The following SALL4 variants were observed in gnomAD, a reference collection of about 807,000 sequenced individuals.
SALL4 encodes the protein sal-like protein 4.
SALL4 carries 4 observed loss-of-function variants against 60.8 expected under a neutral mutation model. The ratio of observed to expected loss-of-function variants is 0.07; its 90% CI spans 0.03 to 0.15. SALL4 has a LOEUF of 0.15. Among genes scored for constraint, SALL4 ranks in the 10% least tolerant of loss-of-function variants. The pLI, the probability that SALL4 is intolerant of heterozygous loss-of-function variation, is 1.00. For missense variants in SALL4, 1,178 were observed against 1,394.7 expected, an observed-to-expected ratio of 0.84 and a Z score of 2.48; for synonymous variants, 580 against 574.9, an observed-to-expected ratio of 1.01 and a Z score of -0.13.
intron 3 of SALL4, among the ~76,000 whole-genome samples, chr20:51,785,938 G>A (rs112826905): frequency 1.2e-4 from 18 of 151,328 alleles, no homozygotes; most frequent in African/African-American, 3.4e-4. Flanking sequence ...CACCACGTCC[G>A]GCCTTTTTTT....
intron 1 of SALL4, among the ~76,000 whole-genome samples, chr20:51,796,210 A>AG (rs1383157405): frequency 1.4e-4 from 21 of 148,602 alleles, no homozygotes; most frequent in South Asian, 8.4e-4. Context: ...AAAAAAAAAA[A>AG]AAAGAAAGAA....
intron 1 of SALL4, among the ~76,000 whole-genome samples, chr20:51,799,882 C>G (rs1006810258): frequency 2.6e-5 from 4 of 152,090 alleles, no homozygotes; most frequent in African/African-American, 7.2e-5. Context: ...ACTGCATTCT[C>G]GAATGGCTTT....
At position 51,783,454 on chromosome 20, in the gene SALL4, G is replaced by A. The variant is rs914267098; in HGVS notation, c.*811C>T. On this transcript the variant is annotated 3_prime_UTR_variant, in exon 4 of 4. Transcript: ENST00000217086. ...AAAAAAAACAATAAGATGGGGACAG[G>A]GTTGGGGCATATAAAACAGGTCCCT... is the stretch of plus-strand genomic sequence containing the variant. The A allele has an allele frequency of 6.6e-6, 1 of 151,956 alleles. No individual in the cohort carries two copies. The highest frequency in any genetic ancestry group is 1.5e-5 in the Non-Finnish European group (1 of 67,988). 9.4% of individuals were successfully genotyped at this position (151,956 alleles called of 1,614,324 possible). A position where few individuals can be genotyped will look rare whatever the true frequency, so the allele number is the denominator to read the frequency against.
intron 1 of SALL4, chr20:51,792,738 T>C (rs961417562): frequency 2.8e-6 from 3 of 1,072,536 alleles, no homozygotes; most frequent in Non-Finnish European, 3.4e-6. Flanking sequence ...TGAATTTCTT[T>C]TGTAACTGGG....
At chr20:51,796,172 C>T (rs2078077958) in intron 1 of SALL4, among the ~76,000 whole-genome samples, 1 of 138,568 alleles carries the variant, frequency 7.2e-6, no homozygotes, top group Non-Finnish European at 1.5e-5. Flanking sequence ...GCACTCCAGC[C>T]TGGGCAACAG....
rs1327967084 is a variant in SALL4 at position 51,801,561 on chromosome 20, T to A, written c.130+718A>T. The A allele has an allele frequency of 6.6e-6, 1 of 152,256 alleles. No homozygotes were observed. Among genetic ancestry groups the A allele is most frequent in the African/African-American group, 2.4e-5 (1 of 41,434 alleles). The allele number at this position is 152,256 out of a possible 1,614,324, so 9.4% of individuals were successfully genotyped here. A position where few individuals can be genotyped will look rare whatever the true frequency, so the allele number is the denominator to read the frequency against. On this transcript the variant is annotated intron_variant, in intron 1 of 3. Transcript: ENST00000217086. This position sits in a 1 kb window ranked among gnomAD's most constrained non-coding sequence, Gnocchi z 5.2. ...TGGCTGGAGGTCAGGCCCCGAAAGG[T>A]TAGGGCGAAGATCGGCAGGCGGCGC...
In SALL4 at chr20:51,782,829, C is replaced by T. The variant is rs933269956; in HGVS notation, c.*1436G>A. 6.6e-6 allele frequency: 1 copy of T among 150,408 alleles called. No homozygotes were observed. The highest frequency in any genetic ancestry group is 1.5e-5 in the Non-Finnish European group (1 of 67,790). 9.3% of individuals were successfully genotyped at this position (150,408 alleles called of 1,614,324 possible). ...GAACGTTCACCTCTTCCCACCAATA[C>T]ATCAACTCTTAGGCTTTAGACAGGG... is the stretch of plus-strand genomic sequence containing the variant. On this transcript the variant is annotated 3_prime_UTR_variant, in exon 4 of 4. Transcript: ENST00000217086.
rs1471138829 is a variant in SALL4 at position 51,789,977 on chromosome 20, C to T, written c.2461+45G>A. The T allele has an allele frequency of 3.1e-6, 5 of 1,613,014 alleles. No individual in the cohort carries two copies. The African/African-American group carries it at 4.0e-5, about 13-fold the overall frequency. ...TTCAACCCAGGCTCCTTTTTGATGA[C>T]CTTGAGCCCAAAATGGACATAAGTT... On this transcript the variant is annotated intron_variant, in intron 2 of 3. Transcript: ENST00000217086.
rs1443472892 is a variant in SALL4 at position 51,802,379 on chromosome 20, C to T, written c.30G>A (p.Gln10=). Residue 10 remains glutamine (Q), a synonymous_variant, in exon 1 of 4, where the codon CAG becomes CAA. Coordinates refer to ENST00000217086, the MANE Select transcript of SALL4 (RefSeq NM_020436.5). Reference sequence around the variant, plus strand: ...CCTGGTCCTCCTCCGAGTTGATGTGCTGGGGTTTCGCCTGCTTGCGCCTCG... The same window carrying T: ...CCTGGTCCTCCTCCGAGTTGATGTGTTGGGGTTTCGCCTGCTTGCGCCTCG... The part of the protein sequence containing the change: MSRRKQAKP[Q]HINSEEDQGE... The T allele has an allele frequency of 6.2e-7, 1 of 1,611,836 alleles. No individual in the cohort carries two copies. Among genetic ancestry groups the T allele is most frequent in the Non-Finnish European group, 8.5e-7 (1 of 1,179,894 alleles).
chr20:51,792,897 G>A (rs903073667), intron 1 of SALL4: 7 of 1,004,420 alleles, frequency 7.0e-6, no homozygotes, highest in Non-Finnish European at 8.3e-6. Context: ...GTCCTCTCAG[G>A]TATACCCCAT....
chr20:51,785,282 C>A (rs1001828373), intron 3 of SALL4, among the ~76,000 whole-genome samples: 1 of 151,666 alleles, frequency 6.6e-6, no homozygotes, highest in Non-Finnish European at 1.5e-5. Context: ...GCCTGGGTGA[C>A]AAAGCAAGAC....
At chr20:51,795,166 G>A (rs1398017144) in intron 1 of SALL4, among the ~76,000 whole-genome samples, 1 of 152,186 alleles carries the variant, frequency 6.6e-6, no homozygotes, top group Non-Finnish European at 1.5e-5. Flanking sequence ...AGATAAAAAT[G>A]TTCGGCCGGG....
rs1055205416 is a variant in SALL4 at position 51,802,491 on chromosome 20, C to T, written c.-83G>A. 4.4e-6 allele frequency: 7 copies of T among 1,597,984 alleles called. No homozygotes were observed. Among genetic ancestry groups the T allele is most frequent in the Non-Finnish European group, 5.1e-6 (6 of 1,172,298 alleles). ...TCCTGGAGTTGGGAAATTTACCCCC[C>T]TTCGGCCGGAACGCGCATGTCCCAG... On this transcript the variant is annotated 5_prime_UTR_variant, in exon 1 of 4. Transcript: ENST00000217086.
In SALL4 at chr20:51,802,487, C is replaced by A. The variant is rs1331513183; in HGVS notation, c.-79G>T. On this transcript the variant is annotated 5_prime_UTR_variant, in exon 1 of 4. Coordinates refer to ENST00000217086, the MANE Select transcript of SALL4 (RefSeq NM_020436.5). ...AAATTCCTGGAGTTGGGAAATTTAC[C>A]CCCCTTCGGCCGGAACGCGCATGTC... 1.3e-6 allele frequency: 2 copies of A among 1,599,370 alleles called. No individual in the cohort carries two copies. The highest frequency in any genetic ancestry group is 1.3e-5 in the African/African-American group (1 of 74,764).
In SALL4 at chr20:51,790,069, G is replaced by C. The variant is rs1219595301; in HGVS notation, c.2414C>G (p.Ala805Gly). Residue 805 changes from alanine to glycine, a missense_variant, in exon 2 of 4, where the codon GCT becomes GGT. Transcript: ENST00000217086. This position sits in a 1 kb window ranked among gnomAD's most constrained non-coding sequence, Gnocchi z 5.5. ...CTCGGAGCTCTCTGCTTTGCTCCCA[G>C]CATCGGGAGACTTTGACTTGATGCT... Reference protein sequence around the residue: ...AESIKSKSPDAGSKAESSENS... With the variant: ...AESIKSKSPDGGSKAESSENS... 6.2e-7 allele frequency: 1 copy of C among 1,614,180 alleles called. No homozygotes were observed. Among genetic ancestry groups the C allele is most frequent in the African/African-American group, 1.3e-5 (1 of 75,046 alleles).
intron 1 of SALL4, among the ~76,000 whole-genome samples, chr20:51,798,785 G>A (rs1601177208): frequency 6.6e-6 from 1 of 151,932 alleles, no homozygotes; most frequent in East Asian, 1.9e-4. Flanking sequence ...TGTCGAAGAT[G>A]CCAAAAAGAA....
intron 1 of SALL4, among the ~76,000 whole-genome samples, 194 bp downstream of exon 1, chr20:51,802,085 A>G (rs1374825262): frequency 6.6e-6 from 1 of 151,926 alleles, no homozygotes; most frequent in Non-Finnish European, 1.5e-5. Context: ...GGAGAAGAGG[A>G]AAAAAGTGTG....
At chr20:51,792,406 G>T in intron 1 of SALL4, 54 bp from the exon 2 acceptor site, 6 of 1,592,122 alleles carry the variant, frequency 3.8e-6, no homozygotes, top group South Asian at 1.1e-5. Flanking sequence ...GATGTGGGGG[G>T]AGCCGGGCAC....
At position 51,792,971 on chromosome 20, in the gene SALL4, C is replaced by T. The variant is rs961468308; in HGVS notation, c.131-619G>A. Reference sequence around the variant, plus strand: ...GACAGGCATATCTCAGACCCAGCAGCTAAGCCTATAAATCTAAACCACACA... The same window carrying T: ...GACAGGCATATCTCAGACCCAGCAGTTAAGCCTATAAATCTAAACCACACA... On this transcript the variant is annotated intron_variant, in intron 1 of 3. Coordinates refer to ENST00000217086, the MANE Select transcript of SALL4 (RefSeq NM_020436.5). 3 of 991,170 alleles carry T rather than the reference C, an allele frequency of 3.0e-6. No homozygotes were observed. The African/African-American group carries it at 5.2e-5, about 17-fold the overall frequency. The allele number at this position is 991,170 out of a possible 1,614,324, so 61.4% of individuals were successfully genotyped here. A position where few individuals can be genotyped will look rare whatever the true frequency, so the allele number is the denominator to read the frequency against.
Sources: allele counts gnomAD v4.1 joint callset (sites outside exome capture counted in the v4.1 genomes callset), GRCh38; gene constraint gnomAD v4.1.1; non-coding constraint Gnocchi (gnomAD v3.1); transcripts MANE v1.5; gene names NCBI Gene and HGNC (gene_info 2026-07-23, HGNC 2026-07-21).